The following DOK5 variants were observed in gnomAD, a reference collection of about 807,000 sequenced individuals.
DOK5 encodes the protein docking protein 5, also known as downstream of tyrosine kinase 5.
In DOK5, 27 loss-of-function variants were observed where a neutral mutation model predicts 43.3. That is an observed-to-expected ratio of 0.62 (90% confidence interval 0.46 to 0.86). The LOEUF is 0.86. DOK5 is among the 40% of genes least tolerant of loss of function. The pLI, the probability that DOK5 is intolerant of heterozygous loss-of-function variation, is 0.00. For synonymous variants in DOK5, 146 were observed against 140.1 expected, an observed-to-expected ratio of 1.04 and a Z score of -0.30; for missense variants, 373 against 392.9, an observed-to-expected ratio of 0.95 and a Z score of 0.43.
At chr20:54,505,906 C>A (rs917113242) in intron 1 of DOK5, among the ~76,000 whole-genome samples, 2 of 152,126 alleles carry the variant, frequency 1.3e-5, no homozygotes, top group South Asian at 2.1e-4. Flanking sequence ...CCTGAAGATG[C>A]TTTCAGTGAG....
At chr20:54,545,417 C>A (rs1439062839) in intron 1 of DOK5, among the ~76,000 whole-genome samples, 1 of 152,106 alleles carries the variant, frequency 6.6e-6, no homozygotes, top group Non-Finnish European at 1.5e-5. Flanking sequence ...TAGTGTCAGC[C>A]AAATTGGAGG....
At chr20:54,557,228 C>T (rs1274440558) in intron 2 of DOK5, among the ~76,000 whole-genome samples, 2 of 152,182 alleles carry the variant, frequency 1.3e-5, no homozygotes, top group Non-Finnish European at 2.9e-5. Flanking sequence ...GGTCCCCAAC[C>T]TTTTTGGCAC....
chr20:54,508,097 C>T (rs1275796469), intron 1 of DOK5, among the ~76,000 whole-genome samples: 1 of 152,098 alleles, frequency 6.6e-6, no homozygotes, highest in Admixed American at 6.6e-5. Context: ...AGGACTTACC[C>T]ATGCCAAAGT....
intron 6 of DOK5, among the ~76,000 whole-genome samples, chr20:54,635,123 G>A (rs1354392946): frequency 6.6e-6 from 1 of 152,162 alleles, no homozygotes; most frequent in African/African-American, 2.4e-5. Context: ...AAACTGACCA[G>A]CATTAACATT....
At chr20:54,535,087 C>T (rs1184183672) in intron 1 of DOK5, among the ~76,000 whole-genome samples, 2 of 152,128 alleles carry the variant, frequency 1.3e-5, no homozygotes, top group African/African-American at 4.8e-5. Flanking sequence ...CCGCCTCAGG[C>T]TTGCAAAGTG....
chr20:54,509,990 T>C (rs537321745), intron 1 of DOK5, among the ~76,000 whole-genome samples: 21 of 152,076 alleles, frequency 1.4e-4, no homozygotes, highest in Non-Finnish European at 2.4e-4. Context: ...TTAGGGAAAA[T>C]AGCTCATACA....
chr20:54,609,439 T>C (rs1986572312), intron 5 of DOK5, among the ~76,000 whole-genome samples: 1 of 152,210 alleles, frequency 6.6e-6, no homozygotes, highest in East Asian at 1.9e-4. Flanking sequence ...TATGATTTTG[T>C]CCAAGTTCTT....
intron 7 of DOK5, among the ~76,000 whole-genome samples, chr20:54,648,754 C>A (rs185698394): frequency 1.4e-4 from 22 of 152,074 alleles, no homozygotes; most frequent in Non-Finnish European, 3.1e-4. Context: ...CAGATTTAAT[C>A]GATATTTTCA....
intron 1 of DOK5, among the ~76,000 whole-genome samples, chr20:54,511,948 T>C (rs1218489486): frequency 6.6e-6 from 1 of 152,230 alleles, no homozygotes; most frequent in Non-Finnish European, 1.5e-5. Flanking sequence ...TGAATGAATC[T>C]TGTGGCTTAG....
chr20:54,566,817 G>C (rs1366830179), intron 2 of DOK5, among the ~76,000 whole-genome samples: 2 of 151,942 alleles, frequency 1.3e-5, no homozygotes, highest in Admixed American at 6.6e-5. Context: ...AGGTCTCACT[G>C]TGTTGCCCAG....
intron 6 of DOK5, among the ~76,000 whole-genome samples, chr20:54,624,931 C>T (rs1170299299): frequency 6.6e-6 from 1 of 152,050 alleles, no homozygotes; most frequent in African/African-American, 2.4e-5. Context: ...AGTCTGCTCA[C>T]TGTGTAGTGT....
At chr20:54,646,686 T>G (rs1333682207) in intron 7 of DOK5, among the ~76,000 whole-genome samples, 1 of 152,234 alleles carries the variant, frequency 6.6e-6, no homozygotes, top group East Asian at 1.9e-4. Flanking sequence ...AAAAGTTTTA[T>G]TCTTCTACCT....
At chr20:54,530,946 T>C (rs1204432312) in intron 1 of DOK5, among the ~76,000 whole-genome samples, 2 of 152,170 alleles carry the variant, frequency 1.3e-5, no homozygotes, top group Non-Finnish European at 2.9e-5. Flanking sequence ...GTGTATATTA[T>C]GAGGAACACT....
At chr20:54,515,334 T>C (rs1983162697) in intron 1 of DOK5, among the ~76,000 whole-genome samples, 1 of 152,302 alleles carries the variant, frequency 6.6e-6, no homozygotes, top group Admixed American at 6.5e-5. Flanking sequence ...ATTTTATAAC[T>C]GAATTATTTC....
intron 2 of DOK5, among the ~76,000 whole-genome samples, chr20:54,575,049 G>A (rs946245553): frequency 1.3e-5 from 2 of 152,166 alleles, no homozygotes; most frequent in Admixed American, 1.3e-4. Flanking sequence ...ATGTTTATCT[G>A]AATCTCATCA....
chr20:54,577,093 T>C (rs1985475431), intron 2 of DOK5, among the ~76,000 whole-genome samples: 1 of 152,204 alleles, frequency 6.6e-6, no homozygotes, highest in African/African-American at 2.4e-5. Flanking sequence ...AAAAACATAC[T>C]TGTTTTAGAA....
chr20:54,543,334 G>C (rs1984230703), intron 1 of DOK5, among the ~76,000 whole-genome samples: 1 of 151,266 alleles, frequency 6.6e-6, no homozygotes, highest in East Asian at 2.0e-4. Context: ...GTGGGGGGTG[G>C]GGTGGGTGGG....
At chr20:54,570,429 G>A (rs1350423184) in intron 2 of DOK5, among the ~76,000 whole-genome samples, 2 of 152,166 alleles carry the variant, frequency 1.3e-5, no homozygotes, top group African/African-American at 4.8e-5. Flanking sequence ...ACAATTTGAA[G>A]CTTCTGCAGA....
chr20:54,502,564 A>G (rs1415103521), intron 1 of DOK5, among the ~76,000 whole-genome samples: 1 of 152,174 alleles, frequency 6.6e-6, no homozygotes, highest in Non-Finnish European at 1.5e-5. Flanking sequence ...AATCAATTTT[A>G]TAGTTTCTTC....
Sources: gnomAD v4.1 joint callset for allele counts (sites outside exome capture counted in the v4.1 genomes callset) on GRCh38, gnomAD v4.1.1 for gene constraint, MANE v1.5 for transcripts, NCBI Gene and HGNC (gene_info 2026-07-23, HGNC 2026-07-21) for gene names.